Variants in PARD3B observed in about 807,000 individuals in gnomAD.
PARD3B encodes the protein partitioning defective 3 homolog B.
In PARD3B, 103 loss-of-function variants were observed where a neutral mutation model predicts 130.2. That is an observed-to-expected ratio of 0.79 (90% CI 0.67 to 0.93). The LOEUF (loss-of-function observed/expected upper bound fraction) is 0.93, where lower values mean the gene tolerates loss of function less well. Among genes scored for constraint, PARD3B ranks in the 40% least tolerant of loss-of-function variants. The pLI is 0.00. For missense variants in PARD3B, 1,609 were observed against 1,499.2 expected (o/e 1.07, Z -1.21); for synonymous variants, 583 against 553.2 (o/e 1.05, Z -0.76).
At chr2:204,922,922 C>G (rs1042269781) in intron 2 of PARD3B, among the ~76,000 whole-genome samples, 17 of 151,960 alleles carry the variant, frequency 1.1e-4, no homozygotes, top group Non-Finnish European at 4.4e-5. Context: ...TATAACATAC[C>G]TTTTATGATA....
chr2:204,717,938 C>A (rs1199884570), intron 2 of PARD3B, among the ~76,000 whole-genome samples: 3 of 152,166 alleles, frequency 2.0e-5, no homozygotes, highest in Non-Finnish European at 4.4e-5. Context: ...GATGACAGTT[C>A]TGCTGAATCA....
At chr2:204,820,326 C>G (rs993373734) in intron 2 of PARD3B, among the ~76,000 whole-genome samples, 2 of 151,836 alleles carry the variant, frequency 1.3e-5, no homozygotes, top group Non-Finnish European at 2.9e-5. Context: ...ATCCACCCCC[C>G]TTGGCCTCCC....
At chr2:205,489,586 ATG>A (rs2049612034) in intron 20 of PARD3B, among the ~76,000 whole-genome samples, 1 of 148,498 alleles carries the variant, frequency 6.7e-6, no homozygotes, top group Non-Finnish European at 1.5e-5. Flanking sequence ...ACACATATAT[ATG>A]GCACTGTGTT....
chr2:204,939,078 A>G (rs1344091706), intron 2 of PARD3B, among the ~76,000 whole-genome samples: 1 of 152,174 alleles, frequency 6.6e-6, no homozygotes, highest in Non-Finnish European at 1.5e-5. Flanking sequence ...ATTATCTGAC[A>G]TGGTACTCCT....
At chr2:205,111,105 T>C (rs968944981) in intron 5 of PARD3B, among the ~76,000 whole-genome samples, 2 of 152,140 alleles carry the variant, frequency 1.3e-5, no homozygotes, top group African/African-American at 4.8e-5. Flanking sequence ...AAATAATAGA[T>C]AACATTTTAT....
chr2:205,120,481 G>A (rs139940972), intron 7 of PARD3B, among the ~76,000 whole-genome samples: 7 of 152,168 alleles, frequency 4.6e-5, no homozygotes, highest in Non-Finnish European at 8.8e-5. Flanking sequence ...TTGCAGTTGG[G>A]ATTATGATTA....
chr2:205,508,083 A>G (rs1049215433), intron 21 of PARD3B, among the ~76,000 whole-genome samples: 2 of 152,230 alleles, frequency 1.3e-5, no homozygotes, highest in African/African-American at 4.8e-5. Context: ...TAAAGGTTGT[A>G]GGGATAGTGA....
At chr2:204,977,670 G>A (rs1175461010) in intron 3 of PARD3B, among the ~76,000 whole-genome samples, 1 of 152,020 alleles carries the variant, frequency 6.6e-6, no homozygotes, top group African/African-American at 2.4e-5. Context: ...AAATTCTCTG[G>A]GCATGGTGGC....
At chr2:204,895,670 T>C (rs2046616570) in intron 2 of PARD3B, among the ~76,000 whole-genome samples, 1 of 152,146 alleles carries the variant, frequency 6.6e-6, no homozygotes, top group South Asian at 2.1e-4. Flanking sequence ...GAACCAATAC[T>C]AACTGTATTG....
chr2:204,627,235 C>T, intron 1 of PARD3B, among the ~76,000 whole-genome samples: 1 of 152,226 alleles, frequency 6.6e-6, no homozygotes, highest in South Asian at 2.1e-4. Context: ...GTCTTGGGTA[C>T]TATCTTTATG....
At chr2:205,557,735 A>G (rs1398300285) in intron 22 of PARD3B, among the ~76,000 whole-genome samples, 1 of 152,124 alleles carries the variant, frequency 6.6e-6, no homozygotes, top group Non-Finnish European at 1.5e-5. Context: ...AGGATTTTTT[A>G]TTGTTAGCTC....
At chr2:204,979,205 C>CA (rs755064647) in intron 3 of PARD3B, among the ~76,000 whole-genome samples, 5,346 of 89,838 alleles carry the variant, frequency 0.06, 243 homozygotes, top group African/African-American at 0.16. Context: ...GACTCTGTCT[C>CA]AAAAAAAAAA....
chr2:205,382,471 T>A (rs931591061), intron 18 of PARD3B, among the ~76,000 whole-genome samples: 5 of 152,144 alleles, frequency 3.3e-5, no homozygotes, highest in Non-Finnish European at 5.9e-5. Context: ...TTCTTCACTA[T>A]GAAGTTACGA....
intron 2 of PARD3B, among the ~76,000 whole-genome samples, chr2:204,871,616 T>C (rs990448643): frequency 6.6e-6 from 1 of 152,176 alleles, no homozygotes; most frequent in African/African-American, 2.4e-5. Context: ...CAACTGTCAA[T>C]TAACTAATGA....
Position 205,421,150 on chromosome 2 carries a change from C to G in PARD3B, c.2742-19220C>G, listed in dbSNP as rs2046958321. 6.6e-6 allele frequency among the ~76,000 whole-genome samples: 1 copy of G among 151,250 alleles called. No homozygotes were observed. The highest frequency in any genetic ancestry group is 2.4e-5 in the African/African-American group (1 of 41,124). On this transcript the variant is annotated intron_variant, in intron 19 of 22. Coordinates refer to ENST00000406610, the MANE Select transcript of PARD3B (RefSeq NM_001302769.2). This position sits in a 1 kb window ranked among gnomAD's most constrained non-coding sequence, Gnocchi z 5.1. ...ATCTCAAAAAACAAAAAAAACAAAA[C>G]AAAAAAAACGGAAAAGAAAATATGT...
intron 18 of PARD3B, among the ~76,000 whole-genome samples, chr2:205,307,966 T>G (rs528645620): frequency 6.6e-6 from 1 of 152,268 alleles, no homozygotes; most frequent in Non-Finnish European, 1.5e-5. Context: ...GAATTATGCC[T>G]TGCAAACTCC....
At chr2:205,225,159 T>A (rs2038474502) in intron 15 of PARD3B, among the ~76,000 whole-genome samples, 1 of 152,182 alleles carries the variant, frequency 6.6e-6, no homozygotes, top group Non-Finnish European at 1.5e-5. Context: ...GAGCTCTATA[T>A]TGAGTTTTTT....
chr2:205,301,447 AT>A lies in PARD3B; in HGVS notation c.2393-11del. On this transcript the variant is annotated splice_polypyrimidine_tract_variant and intron_variant, in intron 17 of 22. Coordinates refer to ENST00000406610, the MANE Select transcript of PARD3B (RefSeq NM_001302769.2). This position sits in a 1 kb window ranked among gnomAD's most constrained non-coding sequence, Gnocchi z 5.2. ...GTGCCCCTGACCATGGGTATTGATT[AT>A]TTTTTCTCTGTACAGACGGTCTGTC... The A allele has an allele frequency of 6.3e-7, 1 of 1,588,364 alleles. No individual in the cohort carries two copies. Among genetic ancestry groups the A allele is most frequent in the South Asian group, 1.2e-5 (1 of 86,772 alleles).
chr2:204,760,563 A>G (rs1366224186), intron 2 of PARD3B, among the ~76,000 whole-genome samples: 2 of 152,074 alleles, frequency 1.3e-5, no homozygotes, highest in Admixed American at 6.6e-5. Context: ...TGTTTTATTA[A>G]TAAGGAAGTT....
Sources: allele counts gnomAD v4.1 joint callset (sites outside exome capture counted in the v4.1 genomes callset), GRCh38; gene constraint gnomAD v4.1.1; non-coding constraint Gnocchi (gnomAD v3.1); transcripts MANE v1.5; gene names NCBI Gene and HGNC (gene_info 2026-07-23, HGNC 2026-07-21).